Variants in SSU72 observed in about 807,000 individuals in gnomAD.
The protein encoded by SSU72 is SSU72 homolog, RNA polymerase II CTD phosphatase.
In SSU72, 12 loss-of-function variants were observed where a neutral mutation model predicts 22.7. That is an observed-to-expected ratio of 0.53 (90% confidence interval 0.34 to 0.86). SSU72 has a LOEUF of 0.86. SSU72 is among the 40% of genes least tolerant of loss of function. SSU72 has a pLI of 0.02. For missense variants in SSU72, 151 were observed against 249.8 expected (o/e 0.60, Z 2.67); for synonymous variants, 116 against 98.3 (o/e 1.18, Z -1.06).
chr1:1,572,879 G>C (rs947676988), intron 1 of SSU72, among the ~76,000 whole-genome samples: 2 of 61,026 alleles, frequency 3.3e-5, no homozygotes, highest in Admixed American at 1.6e-4. Context: ...TTTTGTCTTG[G>C]GGGGGGGGGG....
chr1:1,552,805 G>C (rs889753979), intron 2 of SSU72, among the ~76,000 whole-genome samples: 1 of 152,142 alleles, frequency 6.6e-6, no homozygotes, highest in Non-Finnish European at 1.5e-5. Context: ...TGGATCACTT[G>C]AGGTCAGGAG....
chr1:1,559,200 G>A (rs1376439981), intron 2 of SSU72, among the ~76,000 whole-genome samples: 1 of 152,220 alleles, frequency 6.6e-6, no homozygotes, highest in Admixed American at 6.5e-5. Context: ...ACAAAAGGCT[G>A]CATATGAACT....
At position 1,541,779 on chromosome 1, in the gene SSU72, C is replaced by G. The variant is rs144739836; in HGVS notation, c.*287G>C. ...GGAGGAGGGAGGGAAGGCAGGCACA[C>G]GAAGACACAGGTATGTCGGGAAGTG... On this transcript the variant is annotated 3_prime_UTR_variant, in exon 5 of 5. Transcript: ENST00000291386. 56 of 412,160 alleles carry G rather than the reference C, an allele frequency of 1.4e-4. No individual in the cohort carries two copies. Among genetic ancestry groups the G allele is most frequent in the African/African-American group, 1.0e-3 (49 of 49,038 alleles). 25.5% of individuals were successfully genotyped at this position (412,160 alleles called of 1,614,324 possible).
rs530105820 is a variant in SSU72 at position 1,543,246 on chromosome 1, G to A, written c.483+623C>T. ...TGTGCAGAAGGCCAAGTCCAGGGGT[G>A]GACGGCGGACACAGAGCCCTTGGCA... On this transcript the variant is annotated intron_variant, in intron 4 of 4. Coordinates refer to ENST00000291386, the MANE Select transcript of SSU72 (RefSeq NM_014188.3). Among the ~76,000 whole-genome samples, 33 of 152,298 alleles carry A rather than the reference G, an allele frequency of 2.2e-4. 2 individuals are homozygous for A. In the South Asian group the frequency reaches 6.6e-3, roughly 31 times the overall value.
At chr1:1,552,407 G>T (rs1642465072) in intron 2 of SSU72, among the ~76,000 whole-genome samples, 1 of 152,244 alleles carries the variant, frequency 6.6e-6, no homozygotes, top group Non-Finnish European at 1.5e-5. Context: ...TCAGGGAGCA[G>T]GAACCTGCCT....
At chr1:1,564,320 CTTCT>C (rs1176456996) in intron 2 of SSU72, 4 of 669,184 alleles carry the variant, frequency 6.0e-6, no homozygotes, top group East Asian at 5.8e-5. Context: ...GCTCCGCCCT[CTTCT>C]TTATCTGACC....
chr1:1,560,722 C>G (rs973286015), intron 2 of SSU72: 2 of 152,328 alleles, frequency 1.3e-5, no homozygotes, highest in South Asian at 2.1e-4. Context: ...AATAGTGGCT[C>G]ACGCCTCTAA....
chr1:1,553,122 C>T (rs1001712624), intron 2 of SSU72, among the ~76,000 whole-genome samples: 3 of 151,796 alleles, frequency 2.0e-5, no homozygotes, highest in African/African-American at 4.8e-5. Context: ...CGAAACATTC[C>T]ACTTGGAGGA....
chr1:1,544,336 G>A (rs1198767406), intron 3 of SSU72, among the ~76,000 whole-genome samples: 2 of 152,190 alleles, frequency 1.3e-5, no homozygotes, highest in Admixed American at 6.5e-5. Context: ...TTGAAAAATG[G>A]GCCTGGCGCG....
intron 2 of SSU72, among the ~76,000 whole-genome samples, chr1:1,551,683 G>A (rs1232109388): frequency 6.6e-5 from 10 of 152,172 alleles, no homozygotes; most frequent in Admixed American, 5.9e-4. Context: ...ATTCGCGGAC[G>A]CCAACGGCCC....
At chr1:1,569,215 A>G (rs945795914) in intron 1 of SSU72, among the ~76,000 whole-genome samples, 4 of 152,108 alleles carry the variant, frequency 2.6e-5, no homozygotes, top group African/African-American at 9.7e-5. Context: ...ACAAAAACAA[A>G]AAGCCACAAA....
intron 2 of SSU72, among the ~76,000 whole-genome samples, chr1:1,560,659 G>C (rs1393569523): frequency 6.6e-6 from 1 of 152,142 alleles, no homozygotes; most frequent in Non-Finnish European, 1.5e-5. Context: ...GTTACCAGCA[G>C]GCAACCTCAC....
intron 1 of SSU72, among the ~76,000 whole-genome samples, chr1:1,567,688 C>T (rs1330258716): frequency 2.0e-5 from 3 of 152,032 alleles, no homozygotes; most frequent in East Asian, 1.9e-4. Context: ...GGGCCGGACG[C>T]GGTGGCTCAC....
intron 1 of SSU72, among the ~76,000 whole-genome samples, chr1:1,569,423 G>A (rs746457180): frequency 4.6e-5 from 7 of 152,088 alleles, no homozygotes; most frequent in Admixed American, 2.0e-4. Context: ...CTAACATGTC[G>A]ACACTTACTA....
chr1:1,560,761 A>C (rs911724812), intron 2 of SSU72: 1 of 152,224 alleles, frequency 6.6e-6, no homozygotes, highest in South Asian at 2.1e-4. Context: ...CCAACATGTG[A>C]GGATCACTTG....
intron 1 of SSU72, among the ~76,000 whole-genome samples, chr1:1,568,653 GGTGGCTCAC>G (rs1489807743): frequency 6.6e-6 from 1 of 152,080 alleles, no homozygotes; most frequent in East Asian, 1.9e-4. Context: ...GGCGGGGCAT[GGTGGCTCAC>G]GCCTGTAATC....
At chr1:1,564,580 T>G (rs962170871) in intron 2 of SSU72, 193 bp downstream of exon 2, 54 of 1,602,142 alleles carry the variant, frequency 3.4e-5, no homozygotes, top group Non-Finnish European at 4.5e-5. Context: ...CCACGCCTAC[T>G]GCCATGGGTG....
chr1:1,570,176 C>T (rs1412935799), intron 1 of SSU72, among the ~76,000 whole-genome samples: 3 of 151,660 alleles, frequency 2.0e-5, no homozygotes, highest in African/African-American at 7.3e-5. Flanking sequence ...CACCTGTAAT[C>T]CAAATGCTTT....
chr1:1,574,780 C>A lies in SSU72; in HGVS notation c.-223G>T, dbSNP rs1207018838. 1 of 239,400 alleles carries A rather than the reference C, an allele frequency of 4.2e-6. No individual in the cohort carries two copies. Among genetic ancestry groups the A allele is most frequent in the Non-Finnish European group, 7.9e-6 (1 of 126,342 alleles). 14.8% of individuals were successfully genotyped at this position (239,400 alleles called of 1,614,324 possible). On this transcript the variant is annotated 5_prime_UTR_variant, in exon 1 of 5. Transcript: ENST00000291386. The stretch of plus-strand genomic sequence containing the variant: ...TGGCCTTCGGGCGCGCTGCACTCGG[C>A]GAGGCCGGGGGCGGCCAACGCCGCG...
Sources: allele counts gnomAD v4.1 joint callset (sites outside exome capture counted in the v4.1 genomes callset), GRCh38; gene constraint gnomAD v4.1.1; transcripts MANE v1.5; gene names NCBI Gene and HGNC (gene_info 2026-07-23, HGNC 2026-07-21).